FLYWCH1: variants seen among roughly 807,000 people sequenced by gnomAD.
FLYWCH1 encodes FLYWCH-type zinc finger 1, also known as FLYWCH-type zinc finger-containing protein 1.
A neutral mutation model predicts 66.4 loss-of-function variants in FLYWCH1; 75 were observed. That is an observed-to-expected ratio of 1.13 (90% confidence interval 0.94 to 1.37). The LOEUF (loss-of-function observed/expected upper bound fraction) is 1.37, where lower values mean the gene tolerates loss of function less well. Ranked by LOEUF, FLYWCH1 falls within the 40% of genes most tolerant of loss-of-function variation. The pLI is 0.00. For missense variants in FLYWCH1, 1,334 were observed against 1,001.8 expected (o/e 1.33, Z -4.48); for synonymous variants, 595 against 429.9 (o/e 1.38, Z -4.75).
chr16:2,924,071 C>T (rs1042163012), intron 2 of FLYWCH1, among the ~76,000 whole-genome samples: 1 of 152,176 alleles, frequency 6.6e-6, no homozygotes, highest in East Asian at 1.9e-4. Flanking sequence ...TGACTCACGC[C>T]GGTAATCCCA....
intron 2 of FLYWCH1, chr16:2,922,565 G>C: frequency 3.2e-6 from 1 of 317,432 alleles, no homozygotes; most frequent in Non-Finnish European, 6.1e-6. Context: ...ATCAGACAGT[G>C]TTTGTCCCCT....
At chr16:2,929,399 C>G (rs1439967632) in intron 2 of FLYWCH1, among the ~76,000 whole-genome samples, 1 of 144,882 alleles carries the variant, frequency 6.9e-6, no homozygotes, top group Non-Finnish European at 1.5e-5. Flanking sequence ...TGCACATTTT[C>G]CAGATGGGGA....
chr16:2,939,654 C>A, intron 8 of FLYWCH1: 1 of 211,122 alleles, frequency 4.7e-6, no homozygotes, highest in Non-Finnish European at 9.7e-6. Flanking sequence ...CTGCAGTGAG[C>A]CATGCACTGC....
intron 6 of FLYWCH1, 71 bp downstream of exon 6, chr16:2,934,050 A>G (rs967301780): frequency 7.0e-7 from 1 of 1,431,698 alleles, no homozygotes; most frequent in Non-Finnish European, 9.2e-7. Flanking sequence ...TTCCCTCTCC[A>G]TGCTGCGGCT....
At chr16:2,939,771 G>A (rs1337230030) in intron 8 of FLYWCH1, 1 of 395,352 alleles carries the variant, frequency 2.5e-6, no homozygotes, top group Non-Finnish European at 4.6e-6. Context: ...AAGTTGTGCT[G>A]GAGGCCTGGC....
At position 2,938,062 on chromosome 16, in the gene FLYWCH1, C is replaced by T. The variant is rs534428392; in HGVS notation, c.1778-122C>T. On this transcript the variant is annotated intron_variant, in intron 7 of 9. Transcript: ENST00000253928. ...CAGAGGGGAGGAGGGCAGGGACCAC[C>T]GTGCAGCGTGCTAGGGGATCGCAGA... 1,341 of 946,080 alleles carry T rather than the reference C, an allele frequency of 1.4e-3. 2 individuals carry two copies. Among genetic ancestry groups the T allele is most frequent in the Non-Finnish European group, 1.2e-3 (794 of 636,020 alleles). The allele number at this position is 946,080 out of a possible 1,614,324, so 58.6% of individuals were successfully genotyped here. A position where few individuals can be genotyped will look rare whatever the true frequency, so the allele number is the denominator to read the frequency against.
chr16:2,913,809 G>A (rs886323), intron 1 of FLYWCH1, among the ~76,000 whole-genome samples: 6,829 of 152,234 alleles, frequency 0.045, 506 homozygotes, highest in African/African-American at 0.15. Flanking sequence ...TCATGGTTCA[G>A]TTGCGGGTAG....
chr16:2,933,894 T>C lies in FLYWCH1; in HGVS notation c.1428T>C (p.Gly476=). Residue 476 remains glycine (G), a synonymous_variant, in exon 6 of 10, where the codon GGT becomes GGC. Transcript: ENST00000253928. ...GCCGACGGGTGACTGTCATGCGTGGTCACTGCCACCCGCCCGACCTGGGAG... is the reference window on the plus strand; with the variant it reads ...GCCGACGGGTGACTGTCATGCGTGGCCACTGCCACCCGCCCGACCTGGGAG... ...TQGRRVTVMR[G]HCHPPDLGGL... 1 of 1,587,996 alleles carries C rather than the reference T, an allele frequency of 6.3e-7. No homozygotes were observed. Among genetic ancestry groups the C allele is most frequent in the Non-Finnish European group, 8.6e-7 (1 of 1,167,782 alleles).
At chr16:2,930,353 G>T in intron 3 of FLYWCH1, 57 bp from the exon 4 acceptor site, 2 of 1,133,562 alleles carry the variant, frequency 1.8e-6, no homozygotes, top group East Asian at 5.4e-5. Flanking sequence ...GGCTCTCTGT[G>T]CCTGCGACCC....
chr16:2,939,915 C>T (rs532691404), intron 8 of FLYWCH1, 117 bp from the exon 9 acceptor site: 67 of 1,229,648 alleles, frequency 5.4e-5, no homozygotes, highest in African/African-American at 4.4e-4. Context: ...TTGCTTCACC[C>T]GGTTGTCTTT....
At chr16:2,915,974 A>C (rs1019067514) in intron 2 of FLYWCH1, among the ~76,000 whole-genome samples, 3 of 152,288 alleles carry the variant, frequency 2.0e-5, no homozygotes, top group South Asian at 4.1e-4. Context: ...GTAGTGCAGC[A>C]ATAGTACTGA....
chr16:2,923,781 T>C (rs1350382017), intron 2 of FLYWCH1, among the ~76,000 whole-genome samples: 6 of 152,002 alleles, frequency 3.9e-5, no homozygotes. Flanking sequence ...CTCACACCTG[T>C]AATCCCCGCA....
intron 6 of FLYWCH1, chr16:2,936,396 C>G: frequency 2.2e-6 from 1 of 456,554 alleles, no homozygotes; most frequent in Non-Finnish European, 4.4e-6. Flanking sequence ...CCACATGGCC[C>G]CTGCCCAGCC....
intron 4 of FLYWCH1, among the ~76,000 whole-genome samples, chr16:2,931,509 G>C (rs1596373857): frequency 6.6e-6 from 1 of 151,476 alleles, no homozygotes; most frequent in Non-Finnish European, 1.5e-5. Context: ...TCAGCCACTT[G>C]GGAGACTGAG....
At chr16:2,914,388 G>T (rs910179785) in intron 2 of FLYWCH1, 99 bp downstream of exon 2, 2 of 152,248 alleles carry the variant, frequency 1.3e-5, no homozygotes, top group African/African-American at 4.8e-5. Flanking sequence ...ACACCTGACA[G>T]TTGCTAACAT....
rs373096010 is a variant in FLYWCH1, at chr16:2,929,904, C to G, written c.219C>G (p.Pro73=). ...TCCTGTCCCTGGAGATGGCTGGCCC[C>G]GCCACCCTCGCCAGCACCTTGCAGA... ...HCVLSLEMAG[P]ATLASTLQIL... Residue 73 remains proline (P), a synonymous_variant, in exon 3 of 10, where the codon CCC becomes CCG. Transcript: ENST00000253928. 50 of 1,613,550 alleles carry G rather than the reference C, an allele frequency of 3.1e-5. No homozygotes were observed. In the Middle Eastern group the frequency reaches 4.9e-4, roughly 16 times the overall value.
rs758010941 is a variant in FLYWCH1 at position 2,933,198 on chromosome 16, C to T, written c.865C>T (p.Leu289Phe). ...GGSFLVHESF[L>F]YKREKAVGDK... ...CAGCTTCCTGGTACACGAGTCGTTC[C>T]TCTACAAGCGGGAGAAGGCTGTCGG... Residue 289 changes from leucine to phenylalanine, a missense_variant, in exon 5 of 10, where the codon CTC (leucine) becomes TTC (phenylalanine). Physicochemically the swap from Leu to Phe is conservative, Grantham distance 22. Coordinates refer to ENST00000253928, the MANE Select transcript of FLYWCH1 (RefSeq NM_001308068.2). The T allele has an allele frequency of 2.5e-6, 4 of 1,613,720 alleles. No individual in the cohort carries two copies. The highest frequency in any genetic ancestry group is 2.5e-6 in the Non-Finnish European group (3 of 1,179,858).
chr16:2,926,988 C>G (rs1259692457), intron 2 of FLYWCH1, among the ~76,000 whole-genome samples: 1 of 152,168 alleles, frequency 6.6e-6, no homozygotes, highest in Non-Finnish European at 1.5e-5. Context: ...GATACAGTAT[C>G]CACAATATCA....
chr16:2,930,875 G>A lies in FLYWCH1; in HGVS notation c.791G>A (p.Gly264Glu). The change falls in exon 4 of 10, where the codon GGG (glycine) becomes GAG (glutamate). Residue 264 changes from glycine (G) to glutamate (E), a missense_variant. Gly to Glu is a moderately conservative substitution (Grantham distance 98). Coordinates refer to ENST00000253928, the MANE Select transcript of FLYWCH1 (RefSeq NM_001308068.2). ...SLPPKKRSILGLGQARPLEFL... is the reference protein window; with the variant it reads ...SLPPKKRSILELGQARPLEFL... The stretch of plus-strand genomic sequence containing the variant: ...CCGCCCAAGAAGCGCTCGATCCTGG[G>A]GCTGGGTGAGTACAATCCACTCCCC... The A allele has an allele frequency of 1.9e-6, 3 of 1,588,208 alleles. No individual in the cohort carries two copies. The highest frequency in any genetic ancestry group is 2.6e-6 in the Non-Finnish European group (3 of 1,172,488).
Sources: allele counts gnomAD v4.1 joint callset (sites outside exome capture counted in the v4.1 genomes callset), GRCh38; gene constraint gnomAD v4.1.1; transcripts MANE v1.5; gene names NCBI Gene and HGNC (gene_info 2026-07-23, HGNC 2026-07-21).